The following RGS6 variants were observed in gnomAD, a reference collection of about 807,000 sequenced individuals.
RGS6 encodes regulator of G protein signaling 6.
Under a neutral mutation model 78.5 loss-of-function variants are expected in RGS6, and 30 were observed. The observed-to-expected ratio is 0.38, with a 90% CI of 0.29 to 0.52. The LOEUF (loss-of-function observed/expected upper bound fraction) is 0.52, where lower values mean the gene tolerates loss of function less well. Among genes scored for constraint, RGS6 ranks in the 20% least tolerant of loss-of-function variants. The probability of loss-of-function intolerance (pLI) is 0.85; values close to 1 mark genes in which losing one functional copy is unlikely to be tolerated. For missense variants in RGS6, 495 were observed against 609.7 expected (o/e 0.81, Z 1.98); for synonymous variants, 206 against 206.0 (o/e 1.00, Z 0.00).
In RGS6 at chr14:72,478,340, C is replaced by T. The variant is rs114156988; in HGVS notation, c.854+11C>T. 951 of 1,566,016 alleles carry T rather than the reference C, an allele frequency of 6.1e-4. 6 individuals are homozygous for T. In the African/African-American group the frequency reaches 0.012, roughly 19 times the overall value. ...CAAAGTGGCTGAAAGGTATGTTTTCCTTTAATAATATTACTACTTTCTTCT... is the reference window on the plus strand; with the variant it reads ...CAAAGTGGCTGAAAGGTATGTTTTCTTTTAATAATATTACTACTTTCTTCT... On this transcript the variant is annotated intron_variant, in intron 12 of 17. Coordinates refer to ENST00000553525, the MANE Select transcript of RGS6 (RefSeq NM_001204424.2).
intron 12 of RGS6, among the ~76,000 whole-genome samples, chr14:72,489,716 A>G (rs1415181067): frequency 5.1e-4 from 76 of 149,686 alleles, no homozygotes; most frequent in African/African-American, 1.7e-3. Flanking sequence ...AAAGAAAGGA[A>G]AGGAAAGGAG....
intron 1 of RGS6, among the ~76,000 whole-genome samples, chr14:71,959,230 C>T (rs1256884527): frequency 1.3e-5 from 2 of 152,088 alleles, no homozygotes; most frequent in Non-Finnish European, 2.9e-5. Context: ...GATTCCTGCC[C>T]ACTCAGTCAG....
intron 2 of RGS6, among the ~76,000 whole-genome samples, chr14:72,071,328 T>A (rs1441639219): frequency 6.6e-6 from 1 of 152,252 alleles, no homozygotes; most frequent in Non-Finnish European, 1.5e-5. Context: ...CAATTTTTGC[T>A]ATTGGAGTTT....
intron 15 of RGS6, among the ~76,000 whole-genome samples, chr14:72,533,895 T>C (rs2097212471): frequency 1.3e-5 from 2 of 152,244 alleles, no homozygotes; most frequent in Admixed American, 6.5e-5. Flanking sequence ...CTAATGAAGA[T>C]GTTGCAAACA....
At chr14:71,912,353 G>A in the RGS6 span, among the ~76,000 whole-genome samples, 9 of 152,286 alleles carry the variant, frequency 5.9e-5, 1 homozygote, top group Non-Finnish European at 1.2e-4. Context: ...TGTTCAATTG[G>A]TTGGGCTTAG....
At position 72,562,662 on chromosome 14, in the gene RGS6, C is replaced by T; in HGVS notation, c.*195C>T. 1 of 1,536,114 alleles carries T rather than the reference C, an allele frequency of 6.5e-7. No individual in the cohort carries two copies. Among genetic ancestry groups the T allele is most frequent in the Non-Finnish European group, 8.7e-7 (1 of 1,146,894 alleles). ...ACCAGAAAGAAAGAGTCCACAGAGC[C>T]TGGGCTGGGCCCGGTGGAGGCTCCT... On this transcript the variant is annotated 3_prime_UTR_variant, in exon 18 of 18. Coordinates refer to ENST00000553525, the MANE Select transcript of RGS6 (RefSeq NM_001204424.2).
At chr14:72,539,786 C>G (rs1159576572) in intron 16 of RGS6, among the ~76,000 whole-genome samples, 1 of 152,180 alleles carries the variant, frequency 6.6e-6, no homozygotes, top group Non-Finnish European at 1.5e-5. Flanking sequence ...ATTCATGGCC[C>G]CCGGAGAAGC....
intron 4 of RGS6, among the ~76,000 whole-genome samples, chr14:72,456,413 C>G (rs2095632297): frequency 6.6e-6 from 1 of 152,226 alleles, no homozygotes; most frequent in Admixed American, 6.5e-5. Flanking sequence ...CCTCAGTCTC[C>G]CGAGTAGCTG....
At chr14:72,013,141 C>T (rs1337121408) in intron 2 of RGS6, among the ~76,000 whole-genome samples, 4 of 151,606 alleles carry the variant, frequency 2.6e-5, no homozygotes, top group Admixed American at 1.3e-4. Context: ...TGTGGTGGTA[C>T]GTGCCTGTAA....
At chr14:72,414,805 G>C (rs1566784074) in intron 3 of RGS6, among the ~76,000 whole-genome samples, 1 of 152,192 alleles carries the variant, frequency 6.6e-6, no homozygotes. Context: ...GTTGGAGTTT[G>C]CTGGAGGTCC....
At chr14:71,961,025 T>C (rs941627993) in intron 1 of RGS6, among the ~76,000 whole-genome samples, 10 of 152,174 alleles carry the variant, frequency 6.6e-5, no homozygotes, top group African/African-American at 1.9e-4. Context: ...CTTACAAAAG[T>C]AGATGCTCAG....
intron 2 of RGS6, among the ~76,000 whole-genome samples, chr14:72,045,470 T>G (rs1347448053): frequency 6.6e-6 from 1 of 152,166 alleles, no homozygotes; most frequent in Non-Finnish European, 1.5e-5. Context: ...GCGTCATTGT[T>G]TCAGTCTCCC....
chr14:72,112,182 G>C (rs568921065), intron 2 of RGS6, among the ~76,000 whole-genome samples: 1 of 152,176 alleles, frequency 6.6e-6, no homozygotes, highest in Non-Finnish European at 1.5e-5. Flanking sequence ...CAGATGGCCC[G>C]GGAGGCTGTC....
chr14:72,192,347 G>C (rs2097337207), intron 2 of RGS6, among the ~76,000 whole-genome samples: 1 of 152,152 alleles, frequency 6.6e-6, no homozygotes, highest in Admixed American at 6.5e-5. Flanking sequence ...CTTTAGAAGA[G>C]GGAGAAAGAT....
intron 2 of RGS6, among the ~76,000 whole-genome samples, chr14:71,975,655 C>T (rs983358607): frequency 1.3e-5 from 2 of 152,120 alleles, no homozygotes; most frequent in Non-Finnish European, 2.9e-5. Flanking sequence ...GTCGGGGTTT[C>T]ACCATGTTGA....
At chr14:72,492,459 C>A (rs1272583615) in intron 12 of RGS6, among the ~76,000 whole-genome samples, 2 of 152,228 alleles carry the variant, frequency 1.3e-5, no homozygotes, top group East Asian at 3.9e-4. Flanking sequence ...GAGCGAGTGA[C>A]CTTTCTAGGT....
chr14:72,085,484 G>A (rs528928125), intron 2 of RGS6, among the ~76,000 whole-genome samples: 21 of 152,260 alleles, frequency 1.4e-4, no homozygotes, highest in African/African-American at 4.8e-4. Flanking sequence ...AGATTTGTTG[G>A]TTTATCATTC....
intron 3 of RGS6, among the ~76,000 whole-genome samples, chr14:72,418,021 A>G (rs934084175): frequency 2.0e-5 from 3 of 152,246 alleles, no homozygotes; most frequent in Admixed American, 6.5e-5. Flanking sequence ...CCCTGTTTCC[A>G]TCATTCTCCC....
At chr14:72,367,569 C>T (rs1371588400) in intron 3 of RGS6, among the ~76,000 whole-genome samples, 1 of 152,140 alleles carries the variant, frequency 6.6e-6, no homozygotes, top group East Asian at 1.9e-4. Context: ...CCTAGCTCTT[C>T]CTTATGAAAT....
Sources: gnomAD v4.1 joint callset for allele counts (sites outside exome capture counted in the v4.1 genomes callset) on GRCh38, gnomAD v4.1.1 for gene constraint, MANE v1.5 for transcripts, NCBI Gene and HGNC (gene_info 2026-07-23, HGNC 2026-07-21) for gene names.